The following SYN3 variants were observed in gnomAD, a reference collection of about 807,000 sequenced individuals.
SYN3 encodes the protein synapsin III.
Under a neutral mutation model 65.8 loss-of-function variants are expected in SYN3, and 35 were observed. That is an observed-to-expected ratio of 0.53 (90% CI 0.41 to 0.70). The LOEUF (loss-of-function observed/expected upper bound fraction) is 0.70, where lower values mean the gene tolerates loss of function less well. Ranked by LOEUF, SYN3 falls within the 30% of genes least tolerant of loss-of-function variation. The pLI is 0.00. For synonymous variants in SYN3, 270 were observed against 292.9 expected (o/e 0.92, Z 0.80); for missense variants, 680 against 749.0 (o/e 0.91, Z 1.08).
At chr22:32,884,239 A>G (rs2146435772) in intron 4 of SYN3, among the ~76,000 whole-genome samples, 1 of 152,372 alleles carries the variant, frequency 6.6e-6, no homozygotes, top group East Asian at 1.9e-4. Flanking sequence ...GGTTAAGGCC[A>G]ACACTGGCTA....
rs575836105 is a variant in SYN3 at position 32,945,877 on chromosome 22, C to T, written c.370-14396G>A. 3.2e-4 allele frequency among the ~76,000 whole-genome samples: 48 copies of T among 152,222 alleles called. 1 individual carries two copies. Among genetic ancestry groups the T allele is most frequent in the South Asian group, 1.7e-3 (8 of 4,810 alleles). Reference sequence around the variant, plus strand: ...CCAAACAAGGCGATCAAAAAGTGGGCGAAGGATATGAACAAACACTTCTCA... The same window carrying T: ...CCAAACAAGGCGATCAAAAAGTGGGTGAAGGATATGAACAAACACTTCTCA... On this transcript the variant is annotated intron_variant, in intron 3 of 13. Transcript: ENST00000358763.
At chr22:33,055,599 C>T (rs905053473) in intron 1 of SYN3, among the ~76,000 whole-genome samples, 5 of 152,102 alleles carry the variant, frequency 3.3e-5, no homozygotes, top group East Asian at 3.8e-4. Flanking sequence ...AGTCTGCAGT[C>T]TAAAGGGGAG....
intron 6 of SYN3, among the ~76,000 whole-genome samples, chr22:32,846,264 C>T (rs1266758951): frequency 1.3e-5 from 2 of 152,144 alleles, no homozygotes; most frequent in Non-Finnish European, 2.9e-5. Context: ...CCCAAAATAC[C>T]TCCTATACTT....
At chr22:33,052,186 C>G (rs2054178774) in intron 1 of SYN3, among the ~76,000 whole-genome samples, 1 of 152,188 alleles carries the variant, frequency 6.6e-6, no homozygotes, top group Non-Finnish European at 1.5e-5. Flanking sequence ...CGGCTCCTTC[C>G]CACCAGGCCC....
intron 4 of SYN3, among the ~76,000 whole-genome samples, chr22:32,885,289 C>A (rs953093114): frequency 1.5e-4 from 23 of 152,128 alleles, no homozygotes; most frequent in Non-Finnish European, 1.0e-4. Context: ...TGAGCTAGGG[C>A]AATCACAGGG....
In SYN3 at chr22:33,006,510, G is replaced by A; in HGVS notation, c.153C>T (p.Ser51=). 1 of 1,614,230 alleles carries A rather than the reference G, an allele frequency of 6.2e-7. No homozygotes were observed. Among genetic ancestry groups the A allele is most frequent in the Non-Finnish European group, 8.5e-7 (1 of 1,180,036 alleles). Residue 51 remains serine, a synonymous_variant, in exon 2 of 14, where the codon TCC becomes TCT. Transcript: ENST00000358763. ...AAAGGCTGGATCCTGGAGAGGAGAA[G>A]GAGGCAGCCAGGGGCTGGGGGTGCC... The part of the protein sequence containing the change: ...ERRHPQPLAA[S]FSSPGSSLFS...
chr22:32,514,082 A>T (rs1568991462), intron 13 of SYN3, among the ~76,000 whole-genome samples: 1 of 152,180 alleles, frequency 6.6e-6, no homozygotes, highest in African/African-American at 2.4e-5. Context: ...CCTCACAGCA[A>T]GTAATGGGGG....
chr22:32,612,044 G>A (rs1338294284), intron 6 of SYN3, among the ~76,000 whole-genome samples: 3 of 151,178 alleles, frequency 2.0e-5, no homozygotes, highest in Non-Finnish European at 4.4e-5. Context: ...AAACCTCCGT[G>A]TGCTAGGAGG....
At chr22:33,013,506 TAA>T (rs2053399367) in intron 1 of SYN3, among the ~76,000 whole-genome samples, 1 of 152,234 alleles carries the variant, frequency 6.6e-6, no homozygotes, top group Non-Finnish European at 1.5e-5. Context: ...GTGGAATGAT[TAA>T]GTCAAGCTAA....
intron 2 of SYN3, among the ~76,000 whole-genome samples, chr22:33,002,439 C>G (rs908856084): frequency 6.6e-6 from 1 of 152,012 alleles, no homozygotes; most frequent in Non-Finnish European, 1.5e-5. Context: ...GTCAGGAGAT[C>G]GAGACCCTCC....
intron 3 of SYN3, among the ~76,000 whole-genome samples, chr22:32,954,405 G>C (rs536134389): frequency 1.4e-5 from 2 of 147,012 alleles, no homozygotes; most frequent in African/African-American, 4.8e-5. Flanking sequence ...TTTGCTACCT[G>C]CAGTGGATAG....
chr22:32,734,513 G>GCAGACAGACAGACAGA (rs6147593), intron 6 of SYN3, among the ~76,000 whole-genome samples: 27,921 of 151,378 alleles, frequency 0.18, 3,128 homozygotes, highest in South Asian at 0.35. Flanking sequence ...AGGCAGGCAG[G>GCAGACAGACAGACAGA]CAGACAGACA....
intron 6 of SYN3, chr22:32,859,187 C>T: frequency 1.2e-6 from 2 of 1,614,194 alleles, no homozygotes; most frequent in Non-Finnish European, 1.7e-6. Context: ...CAGATCAAGT[C>T]CTGCTACTAC....
intron 2 of SYN3, among the ~76,000 whole-genome samples, chr22:32,990,714 T>A (rs1391760852): frequency 2.0e-5 from 3 of 152,174 alleles, no homozygotes; most frequent in Admixed American, 6.5e-5. Flanking sequence ...CCTCATAGAA[T>A]CCACAGTCTT....
intron 6 of SYN3, among the ~76,000 whole-genome samples, chr22:32,597,503 A>C (rs2059219849): frequency 6.6e-6 from 1 of 152,068 alleles, no homozygotes; most frequent in South Asian, 2.1e-4. Flanking sequence ...GGTGTGAGCC[A>C]CCGCGCCTGG....
chr22:33,012,557 TG>T (rs1325387556), intron 1 of SYN3, among the ~76,000 whole-genome samples: 2 of 152,206 alleles, frequency 1.3e-5, no homozygotes, highest in African/African-American at 2.4e-5. Context: ...ACTCCCATGG[TG>T]ACTTGCAAGC....
chr22:32,583,618 C>G (rs1425158898), intron 7 of SYN3, among the ~76,000 whole-genome samples: 1 of 152,210 alleles, frequency 6.6e-6, no homozygotes, highest in Non-Finnish European at 1.5e-5. Flanking sequence ...TTGATCTCTG[C>G]TTATCTCATC....
chr22:32,873,132 G>A (rs9609644), intron 4 of SYN3, among the ~76,000 whole-genome samples: 1 of 151,952 alleles, frequency 6.6e-6, no homozygotes, highest in Non-Finnish European at 1.5e-5. Context: ...TGTATTTTTA[G>A]TAGAGGCAAG....
chr22:32,768,041 T>C (rs769482882), intron 6 of SYN3, among the ~76,000 whole-genome samples: 1 of 151,594 alleles, frequency 6.6e-6, no homozygotes, highest in Non-Finnish European at 1.5e-5. Context: ...TATTATATCT[T>C]TAAAAGTATC....
Sources: gnomAD v4.1 joint callset for allele counts (sites outside exome capture counted in the v4.1 genomes callset) on GRCh38, gnomAD v4.1.1 for gene constraint, MANE v1.5 for transcripts, NCBI Gene and HGNC (gene_info 2026-07-23, HGNC 2026-07-21) for gene names.